Variants in LMBRD1 observed in about 807,000 individuals in gnomAD.
The protein encoded by LMBRD1 is lysosomal cobalamin transport escort protein LMBD1.
Under a neutral mutation model 74.8 loss-of-function variants are expected in LMBRD1, and 64 were observed. The ratio of observed to expected loss-of-function variants is 0.86; its 90% CI spans 0.70 to 1.05. The LOEUF is 1.05. Ranked by LOEUF, LMBRD1 falls within the 50% of genes least tolerant of loss-of-function variation. The pLI is 0.00. For missense variants in LMBRD1, 652 were observed against 645.9 expected, an observed-to-expected ratio of 1.01 and a Z score of -0.10; for synonymous variants, 204 against 216.3, an observed-to-expected ratio of 0.94 and a Z score of 0.50.
intron 3 of LMBRD1, among the ~76,000 whole-genome samples, chr6:69,756,523 A>G (rs1765269897): frequency 6.6e-6 from 1 of 152,204 alleles, no homozygotes; most frequent in South Asian, 2.1e-4. Flanking sequence ...AACAACTAAC[A>G]TTATCATACT....
chr6:69,735,342 A>G (rs931018250), intron 7 of LMBRD1, among the ~76,000 whole-genome samples: 1 of 152,170 alleles, frequency 6.6e-6, no homozygotes, highest in African/African-American at 2.4e-5. Flanking sequence ...CAGAGTACCC[A>G]GAGAAAACCC....
chr6:69,725,059 A>C (rs575380643), intron 7 of LMBRD1, among the ~76,000 whole-genome samples: 19 of 152,284 alleles, frequency 1.2e-4, no homozygotes, highest in Non-Finnish European at 2.1e-4. Context: ...TAGCATTTCT[A>C]TATGCCAACA....
At chr6:69,742,011 G>T in intron 5 of LMBRD1, 134 bp from the exon 6 acceptor site, 1 of 582,564 alleles carries the variant, frequency 1.7e-6, no homozygotes, top group Non-Finnish European at 3.0e-6. Context: ...GGAGTGAAAA[G>T]TTTCTTATCT....
chr6:69,693,559 T>C (rs146171011), intron 14 of LMBRD1, among the ~76,000 whole-genome samples: 71 of 152,200 alleles, frequency 4.7e-4, no homozygotes, highest in African/African-American at 1.6e-3. Flanking sequence ...TTTTTGTTTT[T>C]AAATCTATAA....
intron 3 of LMBRD1, among the ~76,000 whole-genome samples, chr6:69,767,665 T>C (rs1765498631): frequency 6.6e-6 from 1 of 151,926 alleles, no homozygotes; most frequent in Non-Finnish European, 1.5e-5. Flanking sequence ...GTCAATTGTG[T>C]TCTGCATCCA....
At chr6:69,694,690 T>C (rs1261160174) in intron 14 of LMBRD1, among the ~76,000 whole-genome samples, 1 of 152,120 alleles carries the variant, frequency 6.6e-6, no homozygotes, top group Non-Finnish European at 1.5e-5. Flanking sequence ...TTGCTTTCCA[T>C]CCTTAAATCC....
intron 9 of LMBRD1, among the ~76,000 whole-genome samples, chr6:69,709,327 A>G (rs1228537606): frequency 6.6e-6 from 1 of 152,170 alleles, no homozygotes; most frequent in Non-Finnish European, 1.5e-5. Flanking sequence ...ATAAATGAAC[A>G]GCAACCTTCA....
intron 9 of LMBRD1, among the ~76,000 whole-genome samples, chr6:69,708,353 T>C (rs1766307716): frequency 1.3e-5 from 2 of 152,338 alleles, no homozygotes; most frequent in South Asian, 4.1e-4. Flanking sequence ...ATCCTACATA[T>C]AGAACTATAA....
intron 8 of LMBRD1, 71 bp from the exon 9 acceptor site, chr6:69,713,868 A>T (rs769978058): frequency 4.7e-5 from 73 of 1,562,468 alleles, no homozygotes; most frequent in Non-Finnish European, 6.4e-5. Flanking sequence ...GATTTAGCAG[A>T]TCAGGCAACA....
chr6:69,751,825 G>A (rs1765165185), intron 4 of LMBRD1, among the ~76,000 whole-genome samples: 1 of 152,182 alleles, frequency 6.6e-6, no homozygotes, highest in Non-Finnish European at 1.5e-5. Flanking sequence ...CTAAGACAGA[G>A]ACCATATAGC....
chr6:69,703,471 T>A (rs1380800110), intron 9 of LMBRD1, among the ~76,000 whole-genome samples: 139 of 142,766 alleles, frequency 9.7e-4, no homozygotes, highest in African/African-American at 3.2e-3. Flanking sequence ...AAAAAAAAAA[T>A]TTAAAATTAA....
chr6:69,717,030 C>A (rs750969835), intron 8 of LMBRD1, among the ~76,000 whole-genome samples: 1 of 151,754 alleles, frequency 6.6e-6, no homozygotes, highest in South Asian at 2.1e-4. Context: ...AAATTTGACA[C>A]AGATGAAAAT....
At chr6:69,783,671 G>C (rs748748774) in intron 2 of LMBRD1, among the ~76,000 whole-genome samples, 9 of 152,120 alleles carry the variant, frequency 5.9e-5, no homozygotes, top group Non-Finnish European at 1.3e-4. Flanking sequence ...TGGACTAAAA[G>C]GATTTTGAAG....
chr6:69,756,701 T>C (rs1765275938), intron 3 of LMBRD1, among the ~76,000 whole-genome samples: 1 of 152,184 alleles, frequency 6.6e-6, no homozygotes, highest in South Asian at 2.1e-4. Flanking sequence ...ATTTGCAGAG[T>C]CCAGGGCACT....
chr6:69,741,660 A>C, intron 6 of LMBRD1, 129 bp downstream of exon 6: 1 of 604,624 alleles, frequency 1.7e-6, no homozygotes, highest in Non-Finnish European at 3.0e-6. Context: ...AAGTGCTAGG[A>C]TTACAGGCAT....
chr6:69,785,176 T>C lies in LMBRD1; in HGVS notation c.247-4622A>G, dbSNP rs1048575248. 2.0e-5 allele frequency among the ~76,000 whole-genome samples: 3 copies of C among 152,288 alleles called. No individual in the cohort carries two copies. In the East Asian group the frequency reaches 5.8e-4, roughly 29 times the overall value. On this transcript the variant is annotated intron_variant, in intron 2 of 15. Coordinates refer to ENST00000649934, the MANE Select transcript of LMBRD1 (RefSeq NM_018368.4). ...CATTCTTTCTTCCTGAAACACATTA[T>C]TCTGATTTCCATAAAGCCTCCCTCT...
At chr6:69,774,975 AAGGAAGGAAGGAAGGGAGGG>A (rs1367306893) in intron 3 of LMBRD1, among the ~76,000 whole-genome samples, 18 of 46,610 alleles carry the variant, frequency 3.9e-4, no homozygotes, top group South Asian at 1.1e-3. Flanking sequence ...GGAAGGAAGG[AAGGAAGGAAGGAAGGGAGGG>A]AGGGAGGGAG....
intron 4 of LMBRD1, among the ~76,000 whole-genome samples, chr6:69,750,190 A>G (rs972849550): frequency 3.3e-5 from 5 of 150,712 alleles, no homozygotes; most frequent in African/African-American, 1.2e-4. Flanking sequence ...TATATAACAT[A>G]TATCATGCCA....
At chr6:69,701,414 C>T (rs1272798256) in intron 11 of LMBRD1, 29 bp downstream of exon 11, 3 of 1,187,882 alleles carry the variant, frequency 2.5e-6, no homozygotes, top group Non-Finnish European at 3.8e-6. Context: ...CTAGCAGCTA[C>T]AGTATAAAAT....
Sources: allele counts gnomAD v4.1 joint callset (sites outside exome capture counted in the v4.1 genomes callset), GRCh38; gene constraint gnomAD v4.1.1; transcripts MANE v1.5; gene names NCBI Gene and HGNC (gene_info 2026-07-23, HGNC 2026-07-21).